HMGN5: variants seen among roughly 807,000 people sequenced by gnomAD.
HMGN5 encodes high mobility group nucleosome-binding domain-containing protein 5.
Under a neutral mutation model 9.5 loss-of-function variants are expected in HMGN5, and 4 were observed. The observed-to-expected ratio is 0.42, with a 90% confidence interval of 0.21 to 0.96. The LOEUF (loss-of-function observed/expected upper bound fraction) is 0.96. Among genes scored for constraint, HMGN5 ranks in the 40% least tolerant of loss-of-function variants. HMGN5 has a pLI of 0.30. For missense variants in HMGN5, 192 were observed against 187.5 expected, an observed-to-expected ratio of 1.02 and a Z score of -0.14; for synonymous variants, 55 against 57.1, an observed-to-expected ratio of 0.96 and a Z score of 0.16.
chrX:81,189,646 A>T (rs1263555157), intron 1 of HMGN5, among the ~76,000 whole-genome samples: 1 of 112,247 alleles, frequency 8.9e-6, no homozygotes, highest in Admixed American at 9.5e-5. Context: ...AGGACATCTT[A>T]TTTGCTTCCA....
intron 1 of HMGN5, among the ~76,000 whole-genome samples, chrX:81,181,620 T>C (rs2075463151): frequency 8.9e-6 from 1 of 112,118 alleles, no homozygotes; most frequent in Admixed American, 9.5e-5. Context: ...CAGCATCTGG[T>C]AACCATCATT....
intron 1 of HMGN5, among the ~76,000 whole-genome samples, chrX:81,152,664 T>A (rs2075366937): frequency 9.0e-6 from 1 of 111,049 alleles, no homozygotes; most frequent in African/African-American, 3.3e-5. Flanking sequence ...CAAAGGACTA[T>A]AAATCATGCT....
chrX:81,144,512 C>T (rs1209051146), intron 1 of HMGN5, among the ~76,000 whole-genome samples: 1 of 111,916 alleles, frequency 8.9e-6, no homozygotes, highest in East Asian at 2.8e-4. Flanking sequence ...ACATCAAAGA[C>T]CAAAGGTAGA....
chrX:81,176,653 T>C (rs1159615870), intron 1 of HMGN5, among the ~76,000 whole-genome samples: 3 of 111,653 alleles, frequency 2.7e-5, no homozygotes, highest in Non-Finnish European at 5.6e-5. Context: ...CATGCTTCAG[T>C]AGCCAATTTG....
intron 1 of HMGN5, among the ~76,000 whole-genome samples, chrX:81,162,697 TGC>T (rs2075400747): frequency 9.0e-6 from 1 of 111,056 alleles, no homozygotes; most frequent in African/African-American, 3.3e-5. Flanking sequence ...GGTCAAGAGG[TGC>T]TTATGGAACT....
At chrX:81,187,808 A>G (rs939492292) in intron 1 of HMGN5, among the ~76,000 whole-genome samples, 1 of 109,726 alleles carries the variant, frequency 9.1e-6, no homozygotes. Context: ...TCTTTTATTA[A>G]AGGTGATTTT....
At chrX:81,172,150 T>C (rs1020222855) in intron 1 of HMGN5, among the ~76,000 whole-genome samples, 4 of 111,257 alleles carry the variant, frequency 3.6e-5, no homozygotes, top group Non-Finnish European at 7.6e-5. Context: ...TCTTTTGGTT[T>C]TTCCCTCTGC....
chrX:81,118,534 GA>G (rs762303659), intron 4 of HMGN5, 49 bp from the exon 5 acceptor site: 53 of 1,014,156 alleles, frequency 5.2e-5, no homozygotes, highest in Non-Finnish European at 7.1e-5. Context: ...AATCATATTT[GA>G]AGAAAGAACG....
At chrX:81,142,488 T>C (rs1453675822) in intron 1 of HMGN5, among the ~76,000 whole-genome samples, 1 of 111,410 alleles carries the variant, frequency 9.0e-6, no homozygotes, top group African/African-American at 3.3e-5. Flanking sequence ...ACAGATAACA[T>C]ATTTAATACA....
chrX:81,179,069 T>C (rs758700317), intron 1 of HMGN5, among the ~76,000 whole-genome samples: 1 of 111,729 alleles, frequency 9.0e-6, no homozygotes, highest in African/African-American at 3.3e-5. Flanking sequence ...ATAAGAGCTA[T>C]TTATGACAAA....
At chrX:81,174,758 T>C (rs895337618) in intron 1 of HMGN5, among the ~76,000 whole-genome samples, 1 of 111,734 alleles carries the variant, frequency 8.9e-6, no homozygotes, top group African/African-American at 3.2e-5. Flanking sequence ...GCTTGCCATA[T>C]AATAAATAAT....
intron 1 of HMGN5, among the ~76,000 whole-genome samples, chrX:81,157,915 G>A (rs1277590483): frequency 9.1e-6 from 1 of 109,967 alleles, no homozygotes; most frequent in Non-Finnish European, 1.9e-5. Context: ...AAGTAGCTGA[G>A]ACTACAGGTG....
chrX:81,163,463 T>C (rs2075403091), intron 1 of HMGN5, among the ~76,000 whole-genome samples: 1 of 112,140 alleles, frequency 8.9e-6, no homozygotes. Flanking sequence ...AATCAAGTTC[T>C]AGACAGACAG....
chrX:81,117,657 A>C (rs1602554660), intron 5 of HMGN5, among the ~76,000 whole-genome samples: 1 of 111,303 alleles, frequency 9.0e-6, no homozygotes, highest in East Asian at 2.8e-4. Flanking sequence ...AGAAAAAAAA[A>C]CCTTCTTTTC....
At chrX:81,148,567 A>C (rs907526744) in intron 1 of HMGN5, among the ~76,000 whole-genome samples, 2 of 111,967 alleles carry the variant, frequency 1.8e-5, no homozygotes, top group South Asian at 3.7e-4. Context: ...GGACATAGGC[A>C]TGGGCAAAGA....
rs765668205 is a variant in HMGN5, at chrX:81,186,279, C to T, written c.-124+15458G>A. 8.9e-5 allele frequency among the ~76,000 whole-genome samples: 10 copies of T among 111,861 alleles called. No homozygotes were observed. The East Asian group carries it at 2.8e-3, about 31-fold the overall frequency. ...ACTAAAAATCTTTCTATTACGGCTT[C>T]AATCTCATTAGTTGTTACTGATCTG... On this transcript the variant is annotated intron_variant, in intron 1 of 6. Transcript: ENST00000358130.
chrX:81,152,643 C>G (rs989329912), intron 1 of HMGN5, among the ~76,000 whole-genome samples: 9 of 110,894 alleles, frequency 8.1e-5, no homozygotes, highest in South Asian at 3.9e-4. Context: ...TCCCATTACT[C>G]GGTATATGCC....
At chrX:81,134,961 C>CA (rs1189904230) in intron 1 of HMGN5, among the ~76,000 whole-genome samples, 2 of 111,106 alleles carry the variant, frequency 1.8e-5, no homozygotes, top group Non-Finnish European at 3.8e-5. Flanking sequence ...ATCATACACA[C>CA]AAAAAATCAA....
At chrX:81,123,305 AC>A (rs2075274243) in intron 1 of HMGN5, among the ~76,000 whole-genome samples, 1 of 111,019 alleles carries the variant, frequency 9.0e-6, no homozygotes, top group Admixed American at 9.7e-5. Flanking sequence ...AGCCTGCGTG[AC>A]TGCTGCTCAG....
Sources: allele counts gnomAD v4.1 joint callset (sites outside exome capture counted in the v4.1 genomes callset), GRCh38; gene constraint gnomAD v4.1.1; transcripts MANE v1.5; gene names NCBI Gene and HGNC (gene_info 2026-07-23, HGNC 2026-07-21).